The following PRKG1 variants were observed in gnomAD, a reference collection of about 807,000 sequenced individuals.
PRKG1 encodes the protein protein kinase cGMP-dependent 1.
Under a neutral mutation model 88.1 loss-of-function variants are expected in PRKG1, and 35 were observed. The ratio of observed to expected loss-of-function variants is 0.40; its 90% CI spans 0.30 to 0.53. The LOEUF is 0.53. Ranked by LOEUF, PRKG1 falls within the 20% of genes least tolerant of loss-of-function variation. The pLI, the probability that PRKG1 is intolerant of heterozygous loss-of-function variation, is 0.59. For synonymous variants in PRKG1, 303 were observed against 292.5 expected (o/e 1.04, Z -0.37); for missense variants, 540 against 839.8 (o/e 0.64, Z 4.41).
intron 7 of PRKG1, among the ~76,000 whole-genome samples, chr10:52,066,980 G>T (rs1045791023): frequency 3.3e-5 from 5 of 152,086 alleles, no homozygotes; most frequent in African/African-American, 1.2e-4. Flanking sequence ...GATATCCTAT[G>T]CCTGTAACTT....
chr10:51,647,879 T>G (rs918903100), intron 3 of PRKG1, among the ~76,000 whole-genome samples: 3 of 152,176 alleles, frequency 2.0e-5, no homozygotes, highest in Admixed American at 2.0e-4. Context: ...AATGATACAT[T>G]GCACAGTATG....
At chr10:51,743,862 G>A (rs1277331408) in intron 3 of PRKG1, among the ~76,000 whole-genome samples, 2 of 148,974 alleles carry the variant, frequency 1.3e-5, no homozygotes, top group Non-Finnish European at 3.0e-5. Context: ...TGGGATTTCT[G>A]ATTTCTGATT....
intron 4 of PRKG1, among the ~76,000 whole-genome samples, chr10:51,821,445 A>C (rs891134986): frequency 1.3e-5 from 2 of 152,100 alleles, no homozygotes; most frequent in African/African-American, 4.8e-5. Flanking sequence ...ACAGTGGTTG[A>C]ACTAATTTAT....
chr10:51,549,410 C>A (rs1388358745), intron 3 of PRKG1, among the ~76,000 whole-genome samples: 8 of 151,946 alleles, frequency 5.3e-5, no homozygotes, highest in East Asian at 1.9e-4. Context: ...CCACTAGACA[C>A]CCTGCCTAAA....
At chr10:51,446,139 G>T (rs1054661890) in intron 2 of PRKG1, among the ~76,000 whole-genome samples, 1 of 151,842 alleles carries the variant, frequency 6.6e-6, no homozygotes, top group African/African-American at 2.4e-5. Context: ...TTAGTAATTC[G>T]TTACAGAATA....
chr10:51,827,517 A>G (rs1255651983), intron 4 of PRKG1, among the ~76,000 whole-genome samples: 1 of 152,096 alleles, frequency 6.6e-6, no homozygotes, highest in Non-Finnish European at 1.5e-5. Context: ...ATTTCTACAC[A>G]TAATGATTTA....
Position 51,648,039 on chromosome 10 carries a change from TAC to T in PRKG1, c.593-156520_593-156519del, listed in dbSNP as rs3087021. Among the ~76,000 whole-genome samples, 854 of 149,998 alleles carry T rather than the reference TAC, an allele frequency of 5.7e-3. 6 individuals are homozygous for T. The highest frequency in any genetic ancestry group is 0.019 in the African/African-American group (795 of 40,944). ...AGAAATTACATTTTCTGGTTACACA[TAC>T]ACACACACACACACACACACACACA... On this transcript the variant is annotated intron_variant, in intron 3 of 17. Transcript: ENST00000373980.
rs34582712 is a variant in PRKG1, at chr10:52,133,624, C to T, written c.936-216C>T. ...AATGAAATTTCAAATTTGAAAATTG[C>T]AACTACTGGATTGTAACTGTAGGAT... On this transcript the variant is annotated intron_variant, in intron 7 of 17. Coordinates refer to ENST00000373980, the MANE Select transcript of PRKG1 (RefSeq NM_006258.4). 0.33 allele frequency among the ~76,000 whole-genome samples: 50,578 copies of T among 151,820 alleles called. 8,759 individuals carry two copies. Among genetic ancestry groups the T allele is most frequent in the African/African-American group, 0.42 (17,414 of 41,420 alleles).
At chr10:51,696,691 C>T (rs1018257406) in intron 3 of PRKG1, 2 of 150,518 alleles carry the variant, frequency 1.3e-5, no homozygotes, top group Admixed American at 1.3e-4. Context: ...AAAAACAATT[C>T]TAATACAAGT....
chr10:51,788,277 CA>C (rs1329748093), intron 3 of PRKG1, among the ~76,000 whole-genome samples: 17 of 152,120 alleles, frequency 1.1e-4, no homozygotes, highest in African/African-American at 3.9e-4. Flanking sequence ...GTGTCAATTA[CA>C]GCTTATTTTT....
At chr10:51,891,637 G>C (rs925422110) in intron 4 of PRKG1, among the ~76,000 whole-genome samples, 2 of 152,154 alleles carry the variant, frequency 1.3e-5, no homozygotes, top group African/African-American at 4.8e-5. Flanking sequence ...AGGAGCCTAG[G>C]ACTGCGGTTG....
At chr10:52,080,464 G>A (rs527494358) in intron 7 of PRKG1, among the ~76,000 whole-genome samples, 7 of 152,018 alleles carry the variant, frequency 4.6e-5, no homozygotes, top group African/African-American at 9.7e-5. Flanking sequence ...AAAAAACTTC[G>A]TAAAGATGGT....
chr10:51,649,746 G>A (rs1839995258), intron 3 of PRKG1, among the ~76,000 whole-genome samples: 1 of 152,080 alleles, frequency 6.6e-6, no homozygotes. Context: ...GTGGCTCAAG[G>A]GCCTGTATAA....
At chr10:51,506,502 G>A (rs1423583919) in intron 3 of PRKG1, among the ~76,000 whole-genome samples, 2 of 152,202 alleles carry the variant, frequency 1.3e-5, no homozygotes, top group Non-Finnish European at 2.9e-5. Context: ...GATATGAACA[G>A]ATACTTCTCA....
intron 4 of PRKG1, among the ~76,000 whole-genome samples, chr10:51,810,674 A>G (rs1055275642): frequency 1.7e-4 from 26 of 152,016 alleles, no homozygotes; most frequent in African/African-American, 6.1e-4. Context: ...CTACCTATTT[A>G]TATATATGTA....
In PRKG1 at chr10:52,180,070, C is replaced by T. The variant is rs1279715471; in HGVS notation, c.1076+18107C>T. Among the ~76,000 whole-genome samples the T allele has an allele frequency of 2.0e-5, 3 of 152,190 alleles. 1 individual carries two copies. The highest frequency in any genetic ancestry group is 2.9e-5 in the Non-Finnish European group (2 of 68,014). Reference sequence around the variant, plus strand: ...AATAGTTGTTAGCTTAATGGTCCCTCATAAATCGTTTAGGCTTTCTTCATT... The same window carrying T: ...AATAGTTGTTAGCTTAATGGTCCCTTATAAATCGTTTAGGCTTTCTTCATT... On this transcript the variant is annotated intron_variant, in intron 9 of 17. Transcript: ENST00000373980.
chr10:52,144,799 C>A (rs1017012296), intron 8 of PRKG1, among the ~76,000 whole-genome samples: 3 of 151,822 alleles, frequency 2.0e-5, no homozygotes, highest in African/African-American at 4.8e-5. Context: ...CCTGGGCGAC[C>A]GAGCAGACTC....
chr10:51,267,595 A>G (rs1462321914), intron 2 of PRKG1, among the ~76,000 whole-genome samples: 1 of 152,232 alleles, frequency 6.6e-6, no homozygotes, highest in African/African-American at 2.4e-5. Context: ...GTGCTGGGAT[A>G]ACAGCAAGCC....
At chr10:51,366,081 C>T (rs546210697) in intron 2 of PRKG1, among the ~76,000 whole-genome samples, 5 of 151,804 alleles carry the variant, frequency 3.3e-5, no homozygotes, top group South Asian at 2.1e-4. Context: ...TTAGAGTTTG[C>T]GTTTGCATGA....
Sources: allele counts gnomAD v4.1 joint callset (sites outside exome capture counted in the v4.1 genomes callset), GRCh38; gene constraint gnomAD v4.1.1; transcripts MANE v1.5; gene names NCBI Gene and HGNC (gene_info 2026-07-23, HGNC 2026-07-21).